Variants in PCM1 observed in about 807,000 individuals in gnomAD.
PCM1 encodes the protein pericentriolar material 1 protein.
A neutral mutation model predicts 241.9 loss-of-function variants in PCM1; 157 were observed. That is an observed-to-expected ratio of 0.65 (90% CI 0.57 to 0.74). The LOEUF is 0.74. PCM1 is among the 30% of genes least tolerant of loss of function. The probability of loss-of-function intolerance (pLI) is 0.00; values close to 1 mark genes in which losing one functional copy is unlikely to be tolerated. For synonymous variants in PCM1, 1,085 were observed against 784.9 expected (o/e 1.38, Z -6.39); for missense variants, 3,478 against 2,360.1 (o/e 1.47, Z -9.81).
chr8:17,964,985 C>T (rs1331281236), intron 18 of PCM1, among the ~76,000 whole-genome samples: 1 of 152,138 alleles, frequency 6.6e-6, no homozygotes, highest in South Asian at 2.1e-4. Flanking sequence ...ACTGCTTGGT[C>T]CCCACGTTAC....
chr8:18,018,873 TATATATACACAC>T (rs1417880155), intron 36 of PCM1, among the ~76,000 whole-genome samples: 20 of 116,610 alleles, frequency 1.7e-4, no homozygotes, highest in African/African-American at 4.4e-4. Flanking sequence ...TATATATATA[TATATATACACAC>T]ACATATACAT....
rs370692703 is a variant in PCM1 at position 17,957,567 on chromosome 8, A to G, written c.1832A>G (p.Gln611Arg). The change falls in exon 13 of 39, where the codon CAG (glutamine) becomes CGG (arginine). Residue 611 changes from glutamine (Q) to arginine (R), a missense_variant. Coordinates refer to ENST00000325083, the MANE Select transcript of PCM1 (RefSeq NM_006197.4). ...LDCRYNREGE[Q>R]EIHVAQGEDD... ...TGTCGATATAATAGAGAAGGGGAAC[A>G]GGAGATTCATGTTGCACAAGGTGAA... is the stretch of plus-strand genomic sequence containing the variant. 8.3e-6 allele frequency: 13 copies of G among 1,574,864 alleles called. No individual in the cohort carries two copies. The African/African-American group carries it at 9.5e-5, about 11-fold the overall frequency.
chr8:17,946,678 G>A (rs1341022816), intron 6 of PCM1, among the ~76,000 whole-genome samples: 2 of 152,052 alleles, frequency 1.3e-5, no homozygotes, highest in East Asian at 3.8e-4. Context: ...TGTATTTTTA[G>A]TAGAGATGGG....
chr8:17,950,773 A>G, intron 8 of PCM1, 49 bp downstream of exon 8: 2 of 1,007,770 alleles, frequency 2.0e-6, no homozygotes, highest in African/African-American at 1.6e-5. Context: ...CACATTAATT[A>G]GAACAGTGAT....
At chr8:17,948,582 C>T (rs1207815255) in intron 7 of PCM1, among the ~76,000 whole-genome samples, 2 of 151,938 alleles carry the variant, frequency 1.3e-5, no homozygotes, top group Non-Finnish European at 2.9e-5. Flanking sequence ...GGATTACAGG[C>T]GTCAGCCACC....
intron 34 of PCM1, 170 bp from the exon 35 acceptor site, chr8:18,013,794 C>T: frequency 1.8e-6 from 1 of 556,902 alleles, no homozygotes; most frequent in Non-Finnish European, 3.2e-6. Context: ...TTTAACTTAG[C>T]CATCTTGAAA....
chr8:18,002,052 A>ATT (rs1285866558), intron 29 of PCM1, among the ~76,000 whole-genome samples: 1 of 21,834 alleles, frequency 4.6e-5, no homozygotes, highest in Non-Finnish European at 8.2e-5. Flanking sequence ...AGATCTGTTA[A>ATT]ATTTTTTTTT....
intron 12 of PCM1, 53 bp downstream of exon 12, chr8:17,957,474 G>T (rs778127161): frequency 8.7e-6 from 14 of 1,605,834 alleles, no homozygotes; most frequent in Non-Finnish European, 1.2e-5. Flanking sequence ...TTACAAAGTG[G>T]GTTTTCGTTC....
At position 18,027,027 on chromosome 8, in the gene PCM1, A is replaced by C. The variant is rs545077831; in HGVS notation, c.6050-610A>C. Among the ~76,000 whole-genome samples, 150 of 152,314 alleles carry C rather than the reference A, an allele frequency of 9.8e-4. 1 individual carries two copies. The highest frequency in any genetic ancestry group is 3.4e-3 in the African/African-American group (141 of 41,562). The stretch of plus-strand genomic sequence containing the variant: ...AATAACACAGCTCTGGAGCCACTCA[A>C]TGTTTCTTGCATCAGGATCAAAGGG... On this transcript the variant is annotated intron_variant, in intron 38 of 38. Transcript: ENST00000325083.
intron 36 of PCM1, among the ~76,000 whole-genome samples, chr8:18,021,585 G>A (rs1468872230): frequency 6.6e-6 from 1 of 152,168 alleles, no homozygotes; most frequent in African/African-American, 2.4e-5. Context: ...CCAGTAATAA[G>A]GGAACTCATT....
rs1168903450 is a variant in PCM1, at chr8:17,947,169, T to C, written c.784-17T>C. On this transcript the variant is annotated splice_polypyrimidine_tract_variant and intron_variant, in intron 6 of 38. Transcript: ENST00000325083. ...TTTTAATAGTCAGATACAAGTATTG[T>C]TGGTCTTATTTTCCAGGCCAGAGAT... 4 of 1,530,352 alleles carry C rather than the reference T, an allele frequency of 2.6e-6. No individual in the cohort carries two copies. The highest frequency in any genetic ancestry group is 3.6e-6 in the Non-Finnish European group (4 of 1,124,350). The allele number at this position is 1,530,352 out of a possible 1,614,324, so 94.8% of individuals were successfully genotyped here. A position where few individuals can be genotyped will look rare whatever the true frequency, so the allele number is the denominator to read the frequency against.
intron 17 of PCM1, 114 bp downstream of exon 17, chr8:17,963,405 G>C: frequency 1.5e-6 from 1 of 672,338 alleles, no homozygotes; most frequent in Non-Finnish European, 2.4e-6. Flanking sequence ...CTATTTCAGT[G>C]AGGCTACTGT....
At chr8:17,955,057 G>A (rs773914772) in intron 9 of PCM1, among the ~76,000 whole-genome samples, 2 of 152,070 alleles carry the variant, frequency 1.3e-5, no homozygotes, top group Non-Finnish European at 2.9e-5. Context: ...ATTGAGTACT[G>A]CACATGATTC....
At chr8:17,989,748 A>T in intron 26 of PCM1, 111 bp from the exon 27 acceptor site, 1 of 750,722 alleles carries the variant, frequency 1.3e-6, no homozygotes, top group East Asian at 2.8e-5. Flanking sequence ...GAAACTTATG[A>T]ATATCTTTTA....
intron 27 of PCM1, among the ~76,000 whole-genome samples, chr8:17,990,839 A>G (rs2084359039): frequency 6.6e-6 from 1 of 152,128 alleles, no homozygotes. Flanking sequence ...TCGCCAAAAC[A>G]AAAGTCTTCC....
At position 17,967,115 on chromosome 8, in the gene PCM1, G is replaced by T; in HGVS notation, c.3357G>T (p.Gln1119His). Residue 1119 changes from glutamine to histidine, a missense_variant, in exon 21 of 39, where the codon CAG becomes CAT. Transcript: ENST00000325083. Reference sequence around the variant, plus strand: ...TTTGTCCTTTCAGCTTTCCAACACAGCCTGTAAATCTCTTCAATATACCTG... The same window carrying T: ...TTTGTCCTTTCAGCTTTCCAACACATCCTGTAAATCTCTTCAATATACCTG... ...SLFCPFSFPT[Q>H]PVNLFNIPGF... 1 of 1,606,964 alleles carries T rather than the reference G, an allele frequency of 6.2e-7. No individual in the cohort carries two copies. The highest frequency in any genetic ancestry group is 1.7e-4 in the Middle Eastern group (1 of 6,050).
chr8:17,995,352 T>A (rs2086303104), intron 29 of PCM1, among the ~76,000 whole-genome samples: 1 of 151,396 alleles, frequency 6.6e-6, no homozygotes, highest in African/African-American at 2.5e-5. Context: ...TATGTGGATT[T>A]GTTTCTGGGT....
rs201406814 is a variant in PCM1, at chr8:18,025,363, A to G, written c.5844A>G (p.Glu1948=). 1,874 of 1,560,578 alleles carry G rather than the reference A, an allele frequency of 1.2e-3. 3 individuals carry two copies. The highest frequency in any genetic ancestry group is 1.5e-3 in the Non-Finnish European group (1,692 of 1,137,100). The change falls in exon 37 of 39, where the codon GAA becomes GAG. Residue 1948 remains glutamate, a splice_region_variant and synonymous_variant. Transcript: ENST00000325083. ...TTTTTTTTTTCATTACATTACAGGA[A>G]GCAGAATCTGGTAATATAAGTCAAA... The part of the protein sequence containing the change: ...TESPVLVNDY[E]AESGNISQKS...
chr8:17,970,029 A>C (rs1053114943), intron 22 of PCM1, among the ~76,000 whole-genome samples: 1 of 152,176 alleles, frequency 6.6e-6, no homozygotes, highest in South Asian at 2.1e-4. Context: ...TTGCTGTTCA[A>C]TGACTTAGGG....
Sources: allele counts gnomAD v4.1 joint callset (sites outside exome capture counted in the v4.1 genomes callset), GRCh38; gene constraint gnomAD v4.1.1; transcripts MANE v1.5; gene names NCBI Gene and HGNC (gene_info 2026-07-23, HGNC 2026-07-21).